The following TANC2 variants were observed in gnomAD, a reference collection of about 807,000 sequenced individuals.
The protein encoded by TANC2 is protein TANC2.
Under a neutral mutation model 210.5 loss-of-function variants are expected in TANC2, and 26 were observed. That is an observed-to-expected ratio of 0.12 (90% confidence interval 0.09 to 0.17). TANC2 has a LOEUF of 0.17. TANC2 is among the 10% of genes least tolerant of loss of function. The pLI is 1.00. For missense variants in TANC2, 2,129 were observed against 2,608.9 expected (o/e 0.82, Z 4.01); for synonymous variants, 931 against 967.1 (o/e 0.96, Z 0.69).
intron 7 of TANC2, among the ~76,000 whole-genome samples, chr17:63,220,666 T>G (rs2042147330): frequency 7.1e-6 from 1 of 141,180 alleles, no homozygotes. Flanking sequence ...ATCGCGCCAC[T>G]GCACTCCAGC....
At chr17:63,146,150 AT>A (rs1452825820) in intron 4 of TANC2, among the ~76,000 whole-genome samples, 1 of 151,506 alleles carries the variant, frequency 6.6e-6, no homozygotes, top group African/African-American at 2.4e-5. Flanking sequence ...TACATATTTT[AT>A]TTTTTTGTTG....
intron 9 of TANC2, among the ~76,000 whole-genome samples, chr17:63,310,223 G>A (rs367861312): frequency 3.3e-5 from 5 of 152,296 alleles, no homozygotes; most frequent in African/African-American, 1.2e-4. Context: ...AAGGCAGGTG[G>A]ATCACTTAAG....
At chr17:63,044,372 G>C (rs74975621) in intron 2 of TANC2, among the ~76,000 whole-genome samples, 2 of 152,020 alleles carry the variant, frequency 1.3e-5, no homozygotes, top group African/African-American at 4.8e-5. Context: ...TTTCCTCTAT[G>C]TCATTCTGCA....
chr17:63,145,322 A>G (rs2039429565), intron 4 of TANC2, among the ~76,000 whole-genome samples: 1 of 151,950 alleles, frequency 6.6e-6, no homozygotes, highest in Non-Finnish European at 1.5e-5. Context: ...CTTCTTTCCC[A>G]CTCCCACTAC....
At chr17:63,411,967 T>C (rs543401888) in intron 22 of TANC2, 31 bp from the exon 23 acceptor site, 1 of 1,613,110 alleles carries the variant, frequency 6.2e-7, no homozygotes, top group South Asian at 1.1e-5. Flanking sequence ...ATTACGCCTG[T>C]CCTAACTTCT....
chr17:63,244,284 A>T (rs778346988), intron 8 of TANC2, among the ~76,000 whole-genome samples: 3 of 152,166 alleles, frequency 2.0e-5, no homozygotes, highest in Non-Finnish European at 4.4e-5. Context: ...CTGTGACTGG[A>T]CTATTTCCAC....
At chr17:63,346,876 TTTTTTTTTTTCA>T (rs2046429770) in intron 12 of TANC2, among the ~76,000 whole-genome samples, 1 of 151,920 alleles carries the variant, frequency 6.6e-6, no homozygotes, top group Non-Finnish European at 1.5e-5. Flanking sequence ...TGGCTAATTT[TTTTTTTTTTTCA>T]GAGATGGGGG....
In TANC2 at chr17:63,159,793, A is replaced by AG. The variant is rs766951481; in HGVS notation, c.433+8419dup. Among the ~76,000 whole-genome samples the AG allele has an allele frequency of 7.2e-5, 11 of 152,188 alleles. No homozygotes were observed. The East Asian group carries it at 1.2e-3, about 16-fold the overall frequency. ...CCACAGATTTTGGTATGGGATTGGG[A>AG]GGGGGGTCCTGAAATCAGTCTGTTG... On this transcript the variant is annotated intron_variant, in intron 5 of 27. Coordinates refer to ENST00000689528, the Ensembl canonical transcript of TANC2.
At chr17:63,001,529 TC>T (rs1440226249) in intron 1 of TANC2, among the ~76,000 whole-genome samples, 2 of 138,312 alleles carry the variant, frequency 1.4e-5, no homozygotes, top group African/African-American at 5.5e-5. Context: ...TCTTTTCTTT[TC>T]TTTTTTTTTT....
intron 9 of TANC2, among the ~76,000 whole-genome samples, chr17:63,304,944 A>G (rs572481793): frequency 6.6e-6 from 1 of 152,320 alleles, no homozygotes; most frequent in Admixed American, 6.5e-5. Context: ...GGCAGGGGAA[A>G]GCGCAGCCTG....
intron 5 of TANC2, among the ~76,000 whole-genome samples, chr17:63,192,024 C>G (rs1210592952): frequency 1.3e-5 from 2 of 152,112 alleles, no homozygotes; most frequent in South Asian, 2.1e-4. Context: ...GAAGCCCCCA[C>G]TAATTCATCT....
At chr17:63,350,317 C>G (rs1447500588) in intron 12 of TANC2, among the ~76,000 whole-genome samples, 2 of 152,134 alleles carry the variant, frequency 1.3e-5, no homozygotes, top group African/African-American at 2.4e-5. Flanking sequence ...CTGCTTTCCC[C>G]CTTTCAGAGC....
chr17:63,217,395 A>G (rs2042052034), intron 7 of TANC2, among the ~76,000 whole-genome samples: 1 of 152,244 alleles, frequency 6.6e-6, no homozygotes, highest in African/African-American at 2.4e-5. Context: ...TTAAAAGAAT[A>G]CTAAAGGAAT....
At chr17:63,338,611 T>C (rs983429373) in intron 11 of TANC2, among the ~76,000 whole-genome samples, 4 of 152,208 alleles carry the variant, frequency 2.6e-5, no homozygotes, top group African/African-American at 9.6e-5. Flanking sequence ...TGACAGCCTT[T>C]CTCTTTAGGT....
chr17:63,008,407 C>T (rs1176409048), intron 1 of TANC2, among the ~76,000 whole-genome samples: 2 of 152,028 alleles, frequency 1.3e-5, no homozygotes, highest in Non-Finnish European at 2.9e-5. Context: ...TGGATATTTT[C>T]TGTTGACCTG....
intron 14 of TANC2, among the ~76,000 whole-genome samples, chr17:63,360,790 C>T (rs1191672396): frequency 6.6e-6 from 1 of 152,190 alleles, no homozygotes; most frequent in Non-Finnish European, 1.5e-5. Flanking sequence ...AACCCCTCCC[C>T]AGTCCTGACT....
chr17:63,276,490 CT>C (rs1447362164), intron 9 of TANC2, among the ~76,000 whole-genome samples: 3 of 149,588 alleles, frequency 2.0e-5, no homozygotes, highest in Middle Eastern at 3.5e-3. Context: ...TGGGTTTTCC[CT>C]TTCTTTTTTT....
chr17:63,223,411 C>T (rs1031382434), intron 7 of TANC2, among the ~76,000 whole-genome samples: 17 of 152,182 alleles, frequency 1.1e-4, no homozygotes, highest in Non-Finnish European at 1.0e-4. Flanking sequence ...CAGAGGAGCC[C>T]AGAGGAGCAG....
At chr17:63,264,616 A>G (rs1276834132) in intron 8 of TANC2, among the ~76,000 whole-genome samples, 1 of 152,178 alleles carries the variant, frequency 6.6e-6, no homozygotes, top group Non-Finnish European at 1.5e-5. Flanking sequence ...GGGAGATGGT[A>G]TAAAGTTAAA....
Sources: allele counts gnomAD v4.1 joint callset (sites outside exome capture counted in the v4.1 genomes callset), GRCh38; gene constraint gnomAD v4.1.1; transcripts MANE v1.5; gene names NCBI Gene and HGNC (gene_info 2026-07-23, HGNC 2026-07-21).